ABCB1: variants seen among roughly 807,000 people sequenced by gnomAD.
The protein encoded by ABCB1 is ATP-dependent translocase ABCB1.
Under a neutral mutation model 142.0 loss-of-function variants are expected in ABCB1, and 69 were observed. The observed-to-expected ratio is 0.49, with a 90% confidence interval of 0.40 to 0.59. The LOEUF (loss-of-function observed/expected upper bound fraction) is 0.59, where lower values mean the gene tolerates loss of function less well. ABCB1 is among the 20% of genes least tolerant of loss of function. ABCB1 has a pLI of 0.00. For synonymous variants in ABCB1, 532 were observed against 539.2 expected, an observed-to-expected ratio of 0.99 and a Z score of 0.18; for missense variants, 1,326 against 1,554.7, an observed-to-expected ratio of 0.85 and a Z score of 2.47.
intron 1 of ABCB1, among the ~76,000 whole-genome samples, chr7:87,622,608 G>C (rs1352231283): frequency 1.3e-5 from 2 of 152,194 alleles, no homozygotes; most frequent in Non-Finnish European, 1.5e-5. Context: ...TATTGCATGA[G>C]TGATACAGTT....
At chr7:87,557,254 T>G (rs575687608) in intron 8 of ABCB1, among the ~76,000 whole-genome samples, 1 of 152,318 alleles carries the variant, frequency 6.6e-6, no homozygotes, top group South Asian at 2.1e-4. Context: ...AACCTCTGTT[T>G]CTGATTCACA....
intron 20 of ABCB1, among the ~76,000 whole-genome samples, chr7:87,535,563 AAAC>A (rs989395884): frequency 1.8e-4 from 27 of 152,260 alleles, no homozygotes; most frequent in Non-Finnish European, 3.4e-4. Flanking sequence ...GTTTGTATTA[AAAC>A]AACAATTACT....
intron 1 of ABCB1, among the ~76,000 whole-genome samples, chr7:87,615,267 CAATATTGGTTCAATTAATGGATA>C (rs1819997798): frequency 6.6e-6 from 1 of 152,168 alleles, no homozygotes; most frequent in African/African-American, 2.4e-5. Flanking sequence ...AGGGCTTCCT[CAATATTGGTTCAATTAATGGATA>C]AATAAGGTTG....
At chr7:87,635,275 G>T (rs1251640824) in intron 1 of ABCB1, among the ~76,000 whole-genome samples, 1 of 152,114 alleles carries the variant, frequency 6.6e-6, no homozygotes, top group East Asian at 1.9e-4. Context: ...TTGTATATTG[G>T]AAAGATTCCA....
At chr7:87,575,076 T>C (rs529525535) in intron 4 of ABCB1, among the ~76,000 whole-genome samples, 8 of 152,296 alleles carry the variant, frequency 5.3e-5, no homozygotes, top group Admixed American at 5.2e-4. Flanking sequence ...TAAAGAGAGA[T>C]ACATTAGACC....
intron 7 of ABCB1, chr7:87,564,059 T>C (rs1196244644): frequency 8.5e-6 from 3 of 352,438 alleles, no homozygotes; most frequent in South Asian, 4.7e-5. Context: ...AAATAACTAA[T>C]GGGTACTAGG....
At chr7:87,628,508 G>A (rs1258079920) in intron 1 of ABCB1, 2 of 245,734 alleles carry the variant, frequency 8.1e-6, no homozygotes, top group African/African-American at 2.3e-5. Flanking sequence ...CGGGAAGGAG[G>A]AGAGCGCCTG....
chr7:87,507,703 G>T lies in ABCB1; in HGVS notation c.3489+1572C>A, dbSNP rs28401812. 1.3e-3 allele frequency among the ~76,000 whole-genome samples: 203 copies of T among 152,230 alleles called. 1 individual carries two copies. Among genetic ancestry groups the T allele is most frequent in the African/African-American group, 4.8e-3 (198 of 41,546 alleles). Reference sequence around the variant, plus strand: ...GCCTCGTGAGGAAACTGTCTTCCCCGCCGGGTTGAGGCTCCTGAGCTTTGT... The same window carrying T: ...GCCTCGTGAGGAAACTGTCTTCCCCTCCGGGTTGAGGCTCCTGAGCTTTGT... On this transcript the variant is annotated intron_variant, in intron 26 of 27. Transcript: ENST00000622132.
At chr7:87,542,513 G>A (rs1816586411) in intron 17 of ABCB1, among the ~76,000 whole-genome samples, 1 of 152,182 alleles carries the variant, frequency 6.6e-6, no homozygotes, top group African/African-American at 2.4e-5. Context: ...GCAGATGTCT[G>A]GTTGCCTACT....
chr7:87,555,953 G>T (rs1272914848), intron 8 of ABCB1, among the ~76,000 whole-genome samples: 1 of 152,264 alleles, frequency 6.6e-6, no homozygotes, highest in Non-Finnish European at 1.5e-5. Context: ...TTGCACAGAA[G>T]CACAAGGAAG....
chr7:87,613,261 T>TC (rs1041801666), intron 1 of ABCB1, among the ~76,000 whole-genome samples: 11 of 141,898 alleles, frequency 7.8e-5, no homozygotes, highest in African/African-American at 2.6e-4. Context: ...TTATTTCTTT[T>TC]TTTTTTTTTT....
intron 1 of ABCB1, among the ~76,000 whole-genome samples, chr7:87,665,886 A>G (rs749088552): frequency 1.3e-5 from 2 of 152,060 alleles, no homozygotes; most frequent in Non-Finnish European, 2.9e-5. Flanking sequence ...TCTTTTTTAT[A>G]GCTGTATAGT....
At chr7:87,645,372 C>T (rs1822901088) in intron 1 of ABCB1, among the ~76,000 whole-genome samples, 1 of 152,112 alleles carries the variant, frequency 6.6e-6, no homozygotes, top group African/African-American at 2.4e-5. Context: ...GGTTGAGCCA[C>T]CACGCCTGGC....
chr7:87,697,728 G>A (rs1215721030), intron 1 of ABCB1, among the ~76,000 whole-genome samples: 1 of 152,136 alleles, frequency 6.6e-6, no homozygotes, highest in Admixed American at 6.5e-5. Context: ...GCACATACAT[G>A]ATCACATCTA....
At chr7:87,660,099 T>G (rs1481873625) in intron 1 of ABCB1, among the ~76,000 whole-genome samples, 1 of 152,160 alleles carries the variant, frequency 6.6e-6, no homozygotes, top group East Asian at 1.9e-4. Flanking sequence ...GTCAAGGTTA[T>G]CCTAGCCTCA....
At chr7:87,513,981 C>T (rs1815125452) in intron 25 of ABCB1, among the ~76,000 whole-genome samples, 1 of 152,074 alleles carries the variant, frequency 6.6e-6, no homozygotes, top group Non-Finnish European at 1.5e-5. Context: ...TTGAAGGACA[C>T]AATCAGAGTT....
At chr7:87,653,518 A>T (rs909594777) in intron 1 of ABCB1, among the ~76,000 whole-genome samples, 8 of 152,080 alleles carry the variant, frequency 5.3e-5, no homozygotes, top group African/African-American at 1.9e-4. Context: ...GGGGACATAT[A>T]GTCTTTGCCT....
At chr7:87,653,656 C>CT (rs1240739879) in intron 1 of ABCB1, among the ~76,000 whole-genome samples, 4 of 151,826 alleles carry the variant, frequency 2.6e-5, no homozygotes, top group South Asian at 2.1e-4. Context: ...TTTTCTGCTA[C>CT]TTTTTTTTCA....
At chr7:87,655,165 G>A (rs1221628313) in intron 1 of ABCB1, among the ~76,000 whole-genome samples, 1 of 151,988 alleles carries the variant, frequency 6.6e-6, no homozygotes, top group Non-Finnish European at 1.5e-5. Context: ...TCTTCTATGT[G>A]ATTAAATAAA....
Sources: allele counts gnomAD v4.1 joint callset (sites outside exome capture counted in the v4.1 genomes callset), GRCh38; gene constraint gnomAD v4.1.1; transcripts MANE v1.5; gene names NCBI Gene and HGNC (gene_info 2026-07-23, HGNC 2026-07-21).